ROCK1: variants seen among roughly 807,000 people sequenced by gnomAD.
The protein encoded by ROCK1 is Rho associated coiled-coil containing protein kinase 1.
ROCK1 carries 36 observed loss-of-function variants against 196.8 expected under a neutral mutation model. That is an observed-to-expected ratio of 0.18 (90% CI 0.14 to 0.24). The LOEUF (loss-of-function observed/expected upper bound fraction) is 0.24, where lower values mean the gene tolerates loss of function less well. Among genes scored for constraint, ROCK1 ranks in the 10% least tolerant of loss-of-function variants. ROCK1 has a pLI of 1.00. For synonymous variants in ROCK1, 443 were observed against 515.9 expected (o/e 0.86, Z 1.91); for missense variants, 920 against 1,562.0 (o/e 0.59, Z 6.93).
At chr18:21,018,961 C>G (rs1029704107) in intron 12 of ROCK1, among the ~76,000 whole-genome samples, 2 of 152,018 alleles carry the variant, frequency 1.3e-5, no homozygotes, top group African/African-American at 4.8e-5. Flanking sequence ...GAGCATAACT[C>G]AAAGATATTT....
intron 7 of ROCK1, 128 bp from the exon 8 acceptor site, chr18:21,042,363 T>A: frequency 1.0e-6 from 1 of 985,784 alleles, no homozygotes; most frequent in Non-Finnish European, 1.4e-6. Flanking sequence ...AACATACACC[T>A]AATATATAAA....
chr18:20,986,797 G>A (rs1226165505), intron 19 of ROCK1, among the ~76,000 whole-genome samples, 153 bp downstream of exon 19: 1 of 152,188 alleles, frequency 6.6e-6, no homozygotes, highest in Non-Finnish European at 1.5e-5. Context: ...AATTCTAGGT[G>A]CTGGGGTGAC....
Position 21,015,482 on chromosome 18 carries a change from G to A in ROCK1, c.1362-3C>T, listed in dbSNP as rs570142843. On this transcript the variant is annotated splice_polypyrimidine_tract_variant and splice_region_variant and intron_variant, in intron 12 of 32. Coordinates refer to ENST00000399799, the MANE Select transcript of ROCK1 (RefSeq NM_005406.3). ...TGTCTAGTTTTATGTTTGAGGTTCT[G>A]TAAAAACAAAAGCAATACAGATTAG... 2.0e-6 allele frequency: 3 copies of A among 1,537,996 alleles called. No individual in the cohort carries two copies. The highest frequency in any genetic ancestry group is 2.3e-5 in the South Asian group (2 of 87,834).
chr18:20,951,392 T>C lies in ROCK1; in HGVS notation c.4062-5A>G. The C allele has an allele frequency of 1.3e-6, 2 of 1,593,166 alleles. No individual in the cohort carries two copies. Among genetic ancestry groups the C allele is most frequent in the Non-Finnish European group, 1.7e-6 (2 of 1,169,164 alleles). ...GGCACTCAGTCACATGGTTAACTGT[T>C]GAGGGAGGGGGAAAAAACTAATTTA... On this transcript the variant is annotated splice_polypyrimidine_tract_variant and splice_region_variant and intron_variant, in intron 32 of 32. Transcript: ENST00000399799.
Position 21,045,326 on chromosome 18 carries a change from A to C in ROCK1, c.556T>G (p.Leu186Val). ...AAACCCATGGAATGGATTGCATCCA[A>C]TGCAAGAACTACTTCTGCAGTATAG... ...RFYTAEVVLA[L>V]DAIHSMGFIH... Residue 186 changes from leucine (L) to valine (V), a missense_variant, in exon 5 of 33, where the codon TTG becomes GTG. Transcript: ENST00000399799. The C allele has an allele frequency of 6.2e-7, 1 of 1,611,598 alleles. No homozygotes were observed. Among genetic ancestry groups the C allele is most frequent in the Non-Finnish European group, 8.5e-7 (1 of 1,179,334 alleles).
intron 22 of ROCK1, among the ~76,000 whole-genome samples, chr18:20,975,648 T>C (rs2035473309): frequency 6.6e-6 from 1 of 152,222 alleles, no homozygotes; most frequent in Admixed American, 6.5e-5. Context: ...TCTCACTCTG[T>C]TGCCCAGGAT....
chr18:21,009,042 C>G (rs1046291276), intron 13 of ROCK1, among the ~76,000 whole-genome samples: 7 of 152,126 alleles, frequency 4.6e-5, no homozygotes, highest in Non-Finnish European at 1.0e-4. Flanking sequence ...GTTATAGCCA[C>G]ACCCATCCCC....
chr18:20,964,782 T>C lies in ROCK1; in HGVS notation c.3352+2135A>G, dbSNP rs567394239. ...TCTCTTTGCTCAATAAGTCAATTTA[T>C]TAGGTCAGGATTCTGAAACCTAAAT... is the stretch of plus-strand genomic sequence containing the variant. On this transcript the variant is annotated intron_variant, in intron 27 of 32. Transcript: ENST00000399799. 8.5e-5 allele frequency among the ~76,000 whole-genome samples: 13 copies of C among 152,348 alleles called. No individual in the cohort carries two copies. In the South Asian group the frequency reaches 2.5e-3, roughly 29 times the overall value.
chr18:20,959,858 G>C lies in ROCK1; in HGVS notation c.3494C>G (p.Ser1165Cys), dbSNP rs2143338237. The change falls in exon 29 of 33, where the codon TCT (serine) becomes TGT (cysteine). Residue 1165 changes from serine to cysteine, a missense_variant. Coordinates refer to ENST00000399799, the MANE Select transcript of ROCK1 (RefSeq NM_005406.3). ...DEQDKEQSNP[S>C]MVLDIDKLFH... is the part of the protein sequence containing the mutation. Reference sequence around the variant, plus strand: ...AACTTACTCTATGTCCAATACCATAGATGGATTGGATTGCTCCTTATCTTG... The same window carrying C: ...AACTTACTCTATGTCCAATACCATACATGGATTGGATTGCTCCTTATCTTG... The C allele has an allele frequency of 6.2e-7, 1 of 1,607,380 alleles. No individual in the cohort carries two copies. The highest frequency in any genetic ancestry group is 1.7e-4 in the Middle Eastern group (1 of 6,030).
At chr18:21,001,382 T>C (rs957355968) in intron 16 of ROCK1, among the ~76,000 whole-genome samples, 2 of 152,190 alleles carry the variant, frequency 1.3e-5, no homozygotes, top group Admixed American at 1.3e-4. Flanking sequence ...ATGTAGTAAA[T>C]GCTGTTGAAT....
chr18:21,044,004 AAATTCTTACACCATTTTCTAAAG>A (rs1239443189), intron 6 of ROCK1, 75 bp downstream of exon 6: 58 of 719,152 alleles, frequency 8.1e-5, no homozygotes, highest in African/African-American at 6.7e-4. Context: ...TATGGTTAGT[AAATTCTTACACCATTTTCTAAAG>A]AATTCTTAAA....
chr18:20,999,665 A>G (rs1410900884), intron 16 of ROCK1, among the ~76,000 whole-genome samples: 2 of 152,234 alleles, frequency 1.3e-5, no homozygotes, highest in Non-Finnish European at 2.9e-5. Flanking sequence ...ATCTAAATAA[A>G]TGAAAATATA....
chr18:21,088,130 A>G (rs956638036), intron 1 of ROCK1, among the ~76,000 whole-genome samples: 4 of 152,250 alleles, frequency 2.6e-5, no homozygotes, highest in African/African-American at 9.6e-5. Context: ...ATGAGAACAC[A>G]ACACTGGAAT....
chr18:21,053,552 T>C (rs2036222297), intron 2 of ROCK1, among the ~76,000 whole-genome samples: 1 of 152,148 alleles, frequency 6.6e-6, no homozygotes, highest in East Asian at 1.9e-4. Context: ...GGACAACATT[T>C]GGGCTGGGCA....
chr18:21,074,779 G>C (rs1250938383), intron 1 of ROCK1, among the ~76,000 whole-genome samples: 1 of 152,188 alleles, frequency 6.6e-6, no homozygotes, highest in Admixed American at 6.5e-5. Flanking sequence ...AAGTTAGTTA[G>C]TAGGTAGAAA....
intron 12 of ROCK1, among the ~76,000 whole-genome samples, chr18:21,019,141 A>C (rs2035890323): frequency 6.6e-6 from 1 of 152,020 alleles, no homozygotes; most frequent in South Asian, 2.1e-4. Flanking sequence ...TTTAATGTAA[A>C]CTAATTTCCC....
At position 21,006,500 on chromosome 18, in the gene ROCK1, TCTAA is replaced by T; in HGVS notation, c.1732_1735del (p.Leu578SerfsTer3). 1 of 1,613,900 alleles carries T rather than the reference TCTAA, an allele frequency of 6.2e-7. No homozygotes were observed. The highest frequency in any genetic ancestry group is 8.5e-7 in the Non-Finnish European group (1 of 1,179,970). ...CTCTTGCAACTCTCTGTTCAGGGAC[TCTAA>T]CTGACTAATTGACTTGCTCATCTCT... is the stretch of plus-strand genomic sequence containing the variant. On this transcript the variant is annotated frameshift_variant, in exon 16 of 33. Transcript: ENST00000399799. LOFTEE classifies it high-confidence loss of function.
intron 2 of ROCK1, among the ~76,000 whole-genome samples, chr18:21,051,312 G>T (rs2036202140): frequency 6.6e-6 from 1 of 152,104 alleles, no homozygotes; most frequent in Non-Finnish European, 1.5e-5. Flanking sequence ...AAATTAGCTG[G>T]GTGCAGTGGC....
At position 21,042,079 on chromosome 18, in the gene ROCK1, A is replaced by G; in HGVS notation, c.959+18T>C. 6.3e-7 allele frequency: 1 copy of G among 1,594,892 alleles called. No homozygotes were observed. ...AAGTCCTCAGAATTAATACAGGCTC[A>G]GTTTTAAAATTATTTACCTGTCAGT... On this transcript the variant is annotated intron_variant, in intron 8 of 32. Transcript: ENST00000399799.
Sources: gnomAD v4.1 joint callset for allele counts (sites outside exome capture counted in the v4.1 genomes callset) on GRCh38, gnomAD v4.1.1 for gene constraint, MANE v1.5 for transcripts, NCBI Gene and HGNC (gene_info 2026-07-23, HGNC 2026-07-21) for gene names.